Variants in TMCO5A observed in about 807,000 individuals in gnomAD.
The protein encoded by TMCO5A is transmembrane and coiled-coil domain-containing protein 5A.
Under a neutral mutation model 42.3 loss-of-function variants are expected in TMCO5A, and 34 were observed. The ratio of observed to expected loss-of-function variants is 0.80; its 90% confidence interval spans 0.61 to 1.07. The LOEUF is 1.07. TMCO5A is among the 50% of genes least tolerant of loss of function. TMCO5A has a pLI of 0.00. For synonymous variants in TMCO5A, 131 were observed against 115.6 expected, an observed-to-expected ratio of 1.13 and a Z score of -0.86; for missense variants, 357 against 327.9, an observed-to-expected ratio of 1.09 and a Z score of -0.69.
intron 10 of TMCO5A, 172 bp downstream of exon 10, chr15:37,943,570 T>C: frequency 8.6e-6 from 5 of 584,658 alleles, no homozygotes; most frequent in Non-Finnish European, 1.5e-5. Flanking sequence ...AACTAGACTC[T>C]AAGGAACAAT....
chr15:37,951,045 C>T lies in TMCO5A; in HGVS notation c.678C>T (p.Cys226=). ...TARLFSKKIF[C]CLFFITLFFI... ...GGCATTCTCTTTTTAGGATTTTTTG[C>T]TGTCTCTTTTTCATCACCCTATTTT... The change falls in exon 12 of 12, where the codon TGC becomes TGT. Residue 226 remains cysteine (C), a synonymous_variant. Transcript: ENST00000319669. 6.2e-7 allele frequency: 1 copy of T among 1,610,684 alleles called. No homozygotes were observed. The highest frequency in any genetic ancestry group is 1.1e-5 in the South Asian group (1 of 90,544).
At chr15:37,966,552 C>T in intron 11 of TMCO5A, 2 of 702,554 alleles carry the variant, frequency 2.8e-6, no homozygotes, top group Non-Finnish European at 5.2e-6. Context: ...AGACTTGGGG[C>T]TTTAGGCAAG....
chr15:37,971,038 G>A (rs1890664280), downstream of TMCO5A, among the ~76,000 whole-genome samples: 1 of 152,194 alleles, frequency 6.6e-6, no homozygotes, highest in Non-Finnish European at 1.5e-5. Context: ...GCTCCACTAG[G>A]CAGTGCCCCA....
At chr15:37,948,074 T>G (rs1595597156) in intron 11 of TMCO5A, among the ~76,000 whole-genome samples, 2 of 152,218 alleles carry the variant, frequency 1.3e-5, no homozygotes, top group Admixed American at 1.3e-4. Context: ...ATGAAGACTG[T>G]CACATGCTAG....
At chr15:38,010,145 G>A in the TMCO5A span, among the ~76,000 whole-genome samples, 1 of 151,880 alleles carries the variant, frequency 6.6e-6, no homozygotes, top group Non-Finnish European at 1.5e-5. Flanking sequence ...AGGCCGAGGC[G>A]GGCGGATCAC....
intron 11 of TMCO5A, among the ~76,000 whole-genome samples, chr15:37,964,185 G>A (rs925243139): frequency 7.9e-5 from 12 of 152,212 alleles, no homozygotes; most frequent in Middle Eastern, 3.4e-3. Context: ...TTTGTCCCAT[G>A]GGGTGTTCCC....
the TMCO5A span, among the ~76,000 whole-genome samples, chr15:38,001,832 T>C: frequency 6.6e-6 from 1 of 152,156 alleles, no homozygotes; most frequent in Non-Finnish European, 1.5e-5. Flanking sequence ...CCCCACTTTT[T>C]AACTTTTTGT....
At chr15:37,985,097 A>G in the TMCO5A span, among the ~76,000 whole-genome samples, 2 of 151,298 alleles carry the variant, frequency 1.3e-5, no homozygotes, top group African/African-American at 4.8e-5. Flanking sequence ...TGGGGGATGG[A>G]GCAAGGCAAT....
intron 11 of TMCO5A, among the ~76,000 whole-genome samples, chr15:37,961,699 A>G (rs188718997): frequency 2.0e-4 from 30 of 151,970 alleles, no homozygotes; most frequent in African/African-American, 6.3e-4. Flanking sequence ...TTTGTCATCT[A>G]TGATTTCTTT....
chr15:37,989,050 A>C, the TMCO5A span, among the ~76,000 whole-genome samples: 1 of 151,934 alleles, frequency 6.6e-6, no homozygotes, highest in East Asian at 1.9e-4. Flanking sequence ...CTAATTCTTC[A>C]TGCTTCAGTC....
chr15:38,004,552 T>A, the TMCO5A span, among the ~76,000 whole-genome samples: 1 of 152,160 alleles, frequency 6.6e-6, no homozygotes, highest in African/African-American at 2.4e-5. Flanking sequence ...TTGTTGGAAC[T>A]CAGGTTCCAA....
Position 37,941,149 on chromosome 15 carries a change from G to T in TMCO5A, c.388G>T (p.Val130Phe). The T allele has an allele frequency of 1.2e-6, 2 of 1,613,036 alleles. No homozygotes were observed. Among genetic ancestry groups the T allele is most frequent in the Non-Finnish European group, 1.7e-6 (2 of 1,179,446 alleles). ...SPDGALEETK[V>F]KLQQLEASYA... Reference sequence around the variant, plus strand: ...TAGCAGTCTCTTTTGCTTTCTTTAGGTTAAGTTACAACAGCTGGAAGCTTC... The same window carrying T: ...TAGCAGTCTCTTTTGCTTTCTTTAGTTTAAGTTACAACAGCTGGAAGCTTC... Residue 130 changes from valine to phenylalanine, a missense_variant and splice_region_variant, in exon 7 of 12, where the codon GTT becomes TTT. Physicochemically the swap from Val to Phe is conservative, Grantham distance 50. Transcript: ENST00000319669.
At chr15:38,015,597 T>C in the TMCO5A span, among the ~76,000 whole-genome samples, 1 of 152,210 alleles carries the variant, frequency 6.6e-6, no homozygotes, top group African/African-American at 2.4e-5. Flanking sequence ...AAAGGTGTTT[T>C]CACAAAGATG....
chr15:37,971,448 G>A (rs145459036), downstream of TMCO5A, among the ~76,000 whole-genome samples: 765 of 152,288 alleles, frequency 5.0e-3, 7 homozygotes, highest in African/African-American at 0.017. Context: ...GGGCTGCCAT[G>A]AAGACCTCTG....
chr15:37,940,266 C>A (rs1889684688), intron 6 of TMCO5A, among the ~76,000 whole-genome samples: 1 of 152,188 alleles, frequency 6.6e-6, no homozygotes, highest in African/African-American at 2.4e-5. Flanking sequence ...AGGCCCTGCA[C>A]AATCTAGCCC....
chr15:37,980,389 C>G, the TMCO5A span, among the ~76,000 whole-genome samples: 2 of 152,140 alleles, frequency 1.3e-5, no homozygotes, highest in African/African-American at 4.8e-5. Flanking sequence ...CCAAGCAGCT[C>G]ATGTCAGTCT....
At chr15:38,004,904 C>T in the TMCO5A span, 2 of 152,064 alleles carry the variant, frequency 1.3e-5, no homozygotes, top group Non-Finnish European at 2.9e-5. Flanking sequence ...TTTGTTGTTC[C>T]TCTGGGGGGG....
At chr15:38,023,384 CT>C in the TMCO5A span, among the ~76,000 whole-genome samples, 1 of 152,188 alleles carries the variant, frequency 6.6e-6, no homozygotes, top group African/African-American at 2.4e-5. Context: ...AGACATCTCT[CT>C]CTTTGTTAGT....
At chr15:37,964,157 G>A (rs1566924715) in intron 11 of TMCO5A, among the ~76,000 whole-genome samples, 3 of 152,154 alleles carry the variant, frequency 2.0e-5, no homozygotes, top group Admixed American at 2.0e-4. Flanking sequence ...TAGGACTCAA[G>A]GCTGTTGTAC....
Sources: gnomAD v4.1 joint callset for allele counts (sites outside exome capture counted in the v4.1 genomes callset) on GRCh38, gnomAD v4.1.1 for gene constraint, MANE v1.5 for transcripts, NCBI Gene and HGNC (gene_info 2026-07-23, HGNC 2026-07-21) for gene names.